NATD1: variants seen among roughly 807,000 people sequenced by gnomAD.
The protein encoded by NATD1 is N-acetyltransferase domain containing 1, also known as protein NATD1.
Under a neutral mutation model 12.0 loss-of-function variants are expected in NATD1, and 9 were observed. That is an observed-to-expected ratio of 0.75 (90% confidence interval 0.45 to 1.30). The LOEUF (loss-of-function observed/expected upper bound fraction) is 1.30. Ranked by LOEUF, NATD1 falls within the 50% of genes most tolerant of loss-of-function variation. The pLI is 0.00. For synonymous variants in NATD1, 71 were observed against 65.9 expected (o/e 1.08, Z -0.37); for missense variants, 148 against 148.5 (o/e 1.00, Z 0.02).
chr17:21,250,937 A>C (rs1227690827), intron 1 of NATD1, among the ~76,000 whole-genome samples: 1 of 152,176 alleles, frequency 6.6e-6, no homozygotes, highest in African/African-American at 2.4e-5. Context: ...CTTGCCTTAC[A>C]GGTCGGGAAT....
In NATD1 at chr17:21,242,333, C is replaced by T. The variant is rs1975282215; in HGVS notation, c.*980G>A. 6.6e-6 allele frequency: 1 copy of T among 152,266 alleles called. No individual in the cohort carries two copies. Among genetic ancestry groups the T allele is most frequent in the African/African-American group, 2.4e-5 (1 of 41,460 alleles). The allele number at this position is 152,266 out of a possible 1,614,324, so 9.4% of individuals were successfully genotyped here. A position where few individuals can be genotyped will look rare whatever the true frequency, so the allele number is the denominator to read the frequency against. On this transcript the variant is annotated 3_prime_UTR_variant, in exon 3 of 3. Transcript: ENST00000611551. ...AAGTGTATCCGGCTGTAGCCAGCCA[C>T]AAAAGAGGACACTGATGTCTGGCAG...
rs750516282 is a variant in NATD1, at chr17:21,244,056, C to G, written c.225+50G>C. On this transcript the variant is annotated intron_variant, in intron 2 of 2. Transcript: ENST00000611551. This position sits in a 1 kb window ranked among gnomAD's most constrained non-coding sequence, Gnocchi z 5.2. Reference sequence around the variant, plus strand: ...CACCGTCTCCTCGGAGCGAAGGTGGCAGCCCCCATGTCCCCGTCCCCGCTT... The same window carrying G: ...CACCGTCTCCTCGGAGCGAAGGTGGGAGCCCCCATGTCCCCGTCCCCGCTT... 10 of 1,516,012 alleles carry G rather than the reference C, an allele frequency of 6.6e-6. No homozygotes were observed. The highest frequency in any genetic ancestry group is 3.6e-5 in the South Asian group (3 of 82,280). The allele number at this position is 1,516,012 out of a possible 1,614,324, so 93.9% of individuals were successfully genotyped here.
At position 21,244,110 on chromosome 17, in the gene NATD1, G is replaced by T; in HGVS notation, c.221C>A (p.Ala74Asp). 6.2e-7 allele frequency: 1 copy of T among 1,610,818 alleles called. No homozygotes were observed. Among genetic ancestry groups the T allele is most frequent in the African/African-American group, 1.3e-5 (1 of 74,950 alleles). The change falls in exon 2 of 3, where the codon GCC (alanine) becomes GAC (aspartate). Residue 74 changes from alanine (A) to aspartate (D), a missense_variant. Transcript: ENST00000611551. This position sits in a 1 kb window ranked among gnomAD's most constrained non-coding sequence, Gnocchi z 5.2. Reference sequence around the variant, plus strand: ...CCTGCCACCTGCCTGCCCTACCTTGGCAAGGTGCTTGGCGATGCCACGCCC... The same window carrying T: ...CCTGCCACCTGCCTGCCCTACCTTGTCAAGGTGCTTGGCGATGCCACGCCC... ...YRGRGIAKHL[A>D]KAALDFVVEE... is the part of the protein sequence containing the mutation.
Position 21,244,034 on chromosome 17 carries a change from C to G in NATD1, c.225+72G>C. The G allele has an allele frequency of 7.2e-7, 1 of 1,386,010 alleles. No individual in the cohort carries two copies. The highest frequency in any genetic ancestry group is 9.9e-7 in the Non-Finnish European group (1 of 1,012,106). 85.9% of individuals were successfully genotyped at this position (1,386,010 alleles called of 1,614,324 possible). ...AGGCTGAAGTGGCCACCAGGGCCAC[C>G]GTCTCCTCGGAGCGAAGGTGGCAGC... On this transcript the variant is annotated intron_variant, in intron 2 of 2. Transcript: ENST00000611551. This position sits in a 1 kb window ranked among gnomAD's most constrained non-coding sequence, Gnocchi z 5.2.
chr17:21,247,448 G>A (rs927234412), intron 1 of NATD1, among the ~76,000 whole-genome samples: 1 of 152,150 alleles, frequency 6.6e-6, no homozygotes, highest in African/African-American at 2.4e-5. Context: ...GGGCAGGCTC[G>A]TGCTCTGCTC....
At position 21,238,900 on chromosome 17, in the gene NATD1, T is replaced by C. The variant is rs1240767732; in HGVS notation, c.*4413A>G. ...TAACCAGAAAAGAATCTCTTTAATATCTTGTAGCCGTAAGACTGATACAAC... is the reference window on the plus strand; with the variant it reads ...TAACCAGAAAAGAATCTCTTTAATACCTTGTAGCCGTAAGACTGATACAAC... On this transcript the variant is annotated 3_prime_UTR_variant, in exon 3 of 3. Coordinates refer to ENST00000611551, the MANE Select transcript of NATD1 (RefSeq NM_152914.3). The C allele has an allele frequency of 6.6e-6, 1 of 152,046 alleles. No homozygotes were observed. The highest frequency in any genetic ancestry group is 1.5e-5 in the Non-Finnish European group (1 of 68,004). The allele number at this position is 152,046 out of a possible 1,614,324, so 9.4% of individuals were successfully genotyped here.
chr17:21,249,567 C>G (rs1224212012), intron 1 of NATD1, among the ~76,000 whole-genome samples: 1 of 152,188 alleles, frequency 6.6e-6, no homozygotes, highest in Non-Finnish European at 1.5e-5. Flanking sequence ...TGAGGGAGGC[C>G]AGGGGCAGCA....
chr17:21,244,247 A>C lies in NATD1; in HGVS notation c.107-23T>G, dbSNP rs66531706. 17,052 of 1,597,344 alleles carry C rather than the reference A, an allele frequency of 0.011. 120 individuals carry two copies. Among genetic ancestry groups the C allele is most frequent in the Admixed American group, 0.012 (702 of 58,870 alleles). ...ATCCTGGGGGTTGTGGAGACAGGTA[A>C]GCCTATGCTGACTCCCATCCCAGCG... On this transcript the variant is annotated intron_variant, in intron 1 of 2. Coordinates refer to ENST00000611551, the MANE Select transcript of NATD1 (RefSeq NM_152914.3). The surrounding 1 kb of genome is among the most constrained non-coding windows in gnomAD (Gnocchi z 5.2).
chr17:21,239,802 G>C lies in NATD1; in HGVS notation c.*3511C>G, dbSNP rs992335328. On this transcript the variant is annotated 3_prime_UTR_variant, in exon 3 of 3. Coordinates refer to ENST00000611551, the MANE Select transcript of NATD1 (RefSeq NM_152914.3). ...AGACTCCCATCTCAAAAAAAAGATT[G>C]CAACAGGCCTGGCAATTTATCTTTC... The C allele has an allele frequency of 1.3e-5, 2 of 152,204 alleles. No homozygotes were observed. Among genetic ancestry groups the C allele is most frequent in the African/African-American group, 4.8e-5 (2 of 41,448 alleles). The allele number at this position is 152,204 out of a possible 1,614,324, so 9.4% of individuals were successfully genotyped here.
chr17:21,253,324 G>A lies in NATD1; in HGVS notation c.-60C>T, dbSNP rs1190826188. 1 of 752,922 alleles carries A rather than the reference G, an allele frequency of 1.3e-6. No individual in the cohort carries two copies. The highest frequency in any genetic ancestry group is 1.6e-6 in the Non-Finnish European group (1 of 619,030). 46.6% of individuals were successfully genotyped at this position (752,922 alleles called of 1,614,324 possible). On this transcript the variant is annotated 5_prime_UTR_variant, in exon 1 of 3. Coordinates refer to ENST00000611551, the MANE Select transcript of NATD1 (RefSeq NM_152914.3). ...GCCGGGGCGCGCGGGGAAAGGTCAG[G>A]CGCGCGGCGGGGCTGGAGCGCGGGC...
At position 21,239,693 on chromosome 17, in the gene NATD1, G is replaced by C. The variant is rs1975247986; in HGVS notation, c.*3620C>G. On this transcript the variant is annotated 3_prime_UTR_variant, in exon 3 of 3. Transcript: ENST00000611551. ...TAATTCCAGCTACTCGGGAAGCTGA[G>C]GCAGGAGAATTGCTTGACCCGGGAG... 6.6e-6 allele frequency: 1 copy of C among 152,292 alleles called. No homozygotes were observed. The highest frequency in any genetic ancestry group is 1.5e-5 in the Non-Finnish European group (1 of 68,092). 9.4% of individuals were successfully genotyped at this position (152,292 alleles called of 1,614,324 possible).
chr17:21,248,460 G>A (rs1975346416), intron 1 of NATD1, among the ~76,000 whole-genome samples: 1 of 152,160 alleles, frequency 6.6e-6, no homozygotes, highest in South Asian at 2.1e-4. Context: ...CTGCCTTGGT[G>A]GCTGCTCCCC....
In NATD1 at chr17:21,243,434, G is replaced by C. The variant is rs1224795430; in HGVS notation, c.226-5C>G. On this transcript the variant is annotated splice_polypyrimidine_tract_variant and splice_region_variant and intron_variant, in intron 2 of 2. Coordinates refer to ENST00000611551, the MANE Select transcript of NATD1 (RefSeq NM_152914.3). ...CACCACGAAGTCCAGGGCGGCCTGG[G>C]AGCCGGGCAGAGAGGAGAGTGGTCA... 3 of 1,609,702 alleles carry C rather than the reference G, an allele frequency of 1.9e-6. No individual in the cohort carries two copies. The highest frequency in any genetic ancestry group is 1.7e-6 in the Non-Finnish European group (2 of 1,178,432).
intron 1 of NATD1, among the ~76,000 whole-genome samples, chr17:21,245,443 G>T (rs1416140831): frequency 6.6e-6 from 1 of 152,160 alleles, no homozygotes; most frequent in African/African-American, 2.4e-5. Context: ...CAACACGAGG[G>T]GAAGGCTGAC....
At chr17:21,245,274 AG>A (rs940844986) in intron 1 of NATD1, among the ~76,000 whole-genome samples, 3 of 152,132 alleles carry the variant, frequency 2.0e-5, no homozygotes, top group African/African-American at 7.2e-5. Context: ...GGGAGGTGAT[AG>A]GGCAGGTCCT....
intron 1 of NATD1, among the ~76,000 whole-genome samples, chr17:21,251,438 C>T (rs1048445675): frequency 1.3e-5 from 2 of 152,228 alleles, no homozygotes; most frequent in South Asian, 2.1e-4. Flanking sequence ...CTCCCAGAGT[C>T]GCCAGGGCCC....
At chr17:21,252,364 C>T (rs1975384520) in intron 1 of NATD1, among the ~76,000 whole-genome samples, 2 of 152,216 alleles carry the variant, frequency 1.3e-5, no homozygotes, top group Non-Finnish European at 2.9e-5. Context: ...TTTCTGGCTT[C>T]ACGAATCACG....
At chr17:21,249,839 C>T (rs947926016) in intron 1 of NATD1, among the ~76,000 whole-genome samples, 9 of 152,186 alleles carry the variant, frequency 5.9e-5, no homozygotes, top group Non-Finnish European at 1.0e-4. Context: ...ACAGGCTGTG[C>T]GCCTTGGTTT....
At chr17:21,248,423 T>C (rs1177301112) in intron 1 of NATD1, among the ~76,000 whole-genome samples, 1 of 152,150 alleles carries the variant, frequency 6.6e-6, no homozygotes, top group Non-Finnish European at 1.5e-5. Context: ...TAAACATGCC[T>C]GGGGTCCAGC....
Sources: gnomAD v4.1 joint callset for allele counts (sites outside exome capture counted in the v4.1 genomes callset) on GRCh38, gnomAD v4.1.1 for gene constraint, Gnocchi (gnomAD v3.1) non-coding constraint, MANE v1.5 for transcripts, NCBI Gene and HGNC (gene_info 2026-07-23, HGNC 2026-07-21) for gene names.